ABI3BP: variants seen among roughly 807,000 people sequenced by gnomAD.
ABI3BP encodes target of Nesh-SH3.
In ABI3BP, 216 loss-of-function variants were observed where a neutral mutation model predicts 268.6. The ratio of observed to expected loss-of-function variants is 0.80; its 90% confidence interval spans 0.72 to 0.90. The LOEUF is 0.90. Among genes scored for constraint, ABI3BP ranks in the 40% least tolerant of loss-of-function variants. ABI3BP has a pLI of 0.00. For synonymous variants in ABI3BP, 730 were observed against 730.0 expected (o/e 1.00, Z 0.00); for missense variants, 2,090 against 2,182.4 (o/e 0.96, Z 0.84).
At chr3:100,945,640 C>T (rs1340209813) in intron 1 of ABI3BP, 2 of 450,426 alleles carry the variant, frequency 4.4e-6, no homozygotes, top group Non-Finnish European at 8.9e-6. Context: ...GAGACTCATC[C>T]ATCCATGCTG....
At chr3:100,862,170 C>T in intron 14 of ABI3BP, 141 bp downstream of exon 14, 1 of 630,930 alleles carries the variant, frequency 1.6e-6, no homozygotes, top group Non-Finnish European at 2.7e-6. Flanking sequence ...AAATGAGGTT[C>T]ATCTCAGTAT....
intron 1 of ABI3BP, among the ~76,000 whole-genome samples, chr3:100,975,070 GGTTA>G (rs924699110): frequency 1.3e-5 from 2 of 151,804 alleles, no homozygotes; most frequent in Non-Finnish European, 2.9e-5. Flanking sequence ...TTTGATAAGA[GGTTA>G]GTTATTTTAA....
Position 100,797,214 on chromosome 3 carries a change from T to C in ABI3BP, c.3758-746A>G, listed in dbSNP as rs144229316. ...TATATGCAGTGCCTGAAATCCAGTA[T>C]ATTTTTTAATGTTTGTGTTCTATTT... On this transcript the variant is annotated intron_variant, in intron 51 of 67. Coordinates refer to ENST00000471714, the MANE Select transcript of ABI3BP (RefSeq NM_001375547.2). Among the ~76,000 whole-genome samples, 10 of 152,180 alleles carry C rather than the reference T, an allele frequency of 6.6e-5. No homozygotes were observed. The East Asian group carries it at 1.9e-3, about 29-fold the overall frequency.
intron 57 of ABI3BP, among the ~76,000 whole-genome samples, chr3:100,781,660 C>T (rs2096867806): frequency 6.6e-6 from 1 of 152,040 alleles, no homozygotes; most frequent in African/African-American, 2.4e-5. Flanking sequence ...TTTGGTTTAC[C>T]ACGATTTCTC....
chr3:100,816,629 G>A, intron 43 of ABI3BP, 59 bp downstream of exon 43: 1 of 1,354,596 alleles, frequency 7.4e-7, no homozygotes, highest in African/African-American at 1.4e-5. Context: ...GACTTTATTG[G>A]GACAGCCTGC....
chr3:100,854,197 A>AG (rs1303783065), intron 14 of ABI3BP, among the ~76,000 whole-genome samples: 1 of 151,382 alleles, frequency 6.6e-6, no homozygotes, highest in African/African-American at 2.4e-5. Context: ...CTAAAAAAAA[A>AG]AAAAAAAATA....
chr3:100,990,640 A>G (rs1048134906), intron 1 of ABI3BP, among the ~76,000 whole-genome samples: 1 of 150,586 alleles, frequency 6.6e-6, no homozygotes, highest in Non-Finnish European at 1.5e-5. Context: ...GTTCTTAGGA[A>G]GAAAAGTTAA....
intron 19 of ABI3BP, 142 bp downstream of exon 19, chr3:100,847,460 G>T: frequency 1.4e-6 from 1 of 715,072 alleles, no homozygotes; most frequent in Non-Finnish European, 2.4e-6. Flanking sequence ...TGGAGCTGGT[G>T]CACTCTCTGA....
At chr3:100,983,703 A>T (rs1307222435) in intron 1 of ABI3BP, among the ~76,000 whole-genome samples, 1 of 152,248 alleles carries the variant, frequency 6.6e-6, no homozygotes, top group Non-Finnish European at 1.5e-5. Context: ...GAAATGTCTT[A>T]TTCATCTTTG....
At chr3:100,983,582 T>G (rs1217384026) in intron 1 of ABI3BP, among the ~76,000 whole-genome samples, 1 of 152,230 alleles carries the variant, frequency 6.6e-6, no homozygotes, top group Non-Finnish European at 1.5e-5. Flanking sequence ...AAATGTTGGT[T>G]GTTAAATGAG....
chr3:100,787,378 T>C (rs1170786643), intron 57 of ABI3BP, among the ~76,000 whole-genome samples: 1 of 152,180 alleles, frequency 6.6e-6, no homozygotes, highest in Non-Finnish European at 1.5e-5. Flanking sequence ...AAAAACCAAC[T>C]AATTACAGTT....
At chr3:100,976,997 T>C (rs1417889618) in intron 1 of ABI3BP, among the ~76,000 whole-genome samples, 1 of 152,210 alleles carries the variant, frequency 6.6e-6, no homozygotes, top group Non-Finnish European at 1.5e-5. Context: ...TTCTATGAAT[T>C]TTTTTAAAGG....
At chr3:100,926,162 G>T in intron 2 of ABI3BP, 140 bp downstream of exon 2, 1 of 834,242 alleles carries the variant, frequency 1.2e-6, no homozygotes, top group Non-Finnish European at 1.8e-6. Context: ...CAACAATTAT[G>T]AAGATGTCTT....
intron 63 of ABI3BP, among the ~76,000 whole-genome samples, chr3:100,760,916 G>A (rs1388388753): frequency 3.3e-5 from 5 of 151,952 alleles, no homozygotes; most frequent in Admixed American, 6.6e-5. Context: ...AGGGGTACAT[G>A]TGCAGGTTTG....
At chr3:100,880,075 A>G (rs749933137) in intron 6 of ABI3BP, among the ~76,000 whole-genome samples, 15 of 152,232 alleles carry the variant, frequency 9.9e-5, no homozygotes, top group Admixed American at 9.8e-4. Context: ...TTTACGTACA[A>G]TGTTTTAAAA....
intron 1 of ABI3BP, among the ~76,000 whole-genome samples, chr3:100,975,894 C>T (rs2085956378): frequency 6.6e-6 from 1 of 152,098 alleles, no homozygotes; most frequent in South Asian, 2.1e-4. Context: ...GACTCCTTGT[C>T]CCCTGTGACC....
chr3:100,979,136 C>G (rs149568862), intron 1 of ABI3BP, among the ~76,000 whole-genome samples: 4 of 152,300 alleles, frequency 2.6e-5, no homozygotes, highest in Non-Finnish European at 4.4e-5. Flanking sequence ...GTTTATCCAG[C>G]CCTCTAAGAG....
intron 62 of ABI3BP, 136 bp from the exon 63 acceptor site, chr3:100,766,085 T>C: frequency 1.6e-6 from 1 of 626,846 alleles, no homozygotes; most frequent in Non-Finnish European, 2.8e-6. Context: ...CATATTGATC[T>C]TACACATTGG....
chr3:100,862,501 A>G (rs1181509504), intron 13 of ABI3BP, 116 bp from the exon 14 acceptor site: 17 of 667,996 alleles, frequency 2.5e-5, no homozygotes, highest in Non-Finnish European at 3.6e-5. Flanking sequence ...CAGTATACCA[A>G]TACAATAAAA....
Sources: allele counts gnomAD v4.1 joint callset (sites outside exome capture counted in the v4.1 genomes callset), GRCh38; gene constraint gnomAD v4.1.1; transcripts MANE v1.5; gene names NCBI Gene and HGNC (gene_info 2026-07-23, HGNC 2026-07-21).